The following EXT1 variants were observed in gnomAD, a reference collection of about 807,000 sequenced individuals.
EXT1 encodes exostosin glycosyltransferase 1.
Under a neutral mutation model 82.5 loss-of-function variants are expected in EXT1, and 20 were observed. The ratio of observed to expected loss-of-function variants is 0.24; its 90% CI spans 0.17 to 0.35. EXT1 has a LOEUF of 0.35. EXT1 is among the 10% of genes least tolerant of loss of function. The probability of loss-of-function intolerance (pLI) is 1.00; values close to 1 mark genes in which losing one functional copy is unlikely to be tolerated. For missense variants in EXT1, 757 were observed against 936.5 expected, an observed-to-expected ratio of 0.81 and a Z score of 2.50; for synonymous variants, 348 against 350.8, an observed-to-expected ratio of 0.99 and a Z score of 0.09.
intron 1 of EXT1, among the ~76,000 whole-genome samples, chr8:117,989,008 AT>A (rs145727172): frequency 0.02 from 2,881 of 146,482 alleles, 112 homozygotes; most frequent in African/African-American, 0.07. Flanking sequence ...AGGAGGATCA[AT>A]GGGGCCAGGA....
intron 1 of EXT1, among the ~76,000 whole-genome samples, chr8:117,909,024 C>T (rs11776458): frequency 0.25 from 38,471 of 151,272 alleles, 5,621 homozygotes; most frequent in East Asian, 0.36. Context: ...CCCAGCTACT[C>T]GGAAGGCTGA....
At chr8:117,819,435 CTA>C (rs1811883889) in intron 6 of EXT1, among the ~76,000 whole-genome samples, 1 of 152,204 alleles carries the variant, frequency 6.6e-6, no homozygotes, top group Non-Finnish European at 1.5e-5. Flanking sequence ...CTTTTTAACT[CTA>C]TACCAGTGCT....
At chr8:118,012,418 C>T (rs1815919734) in intron 1 of EXT1, among the ~76,000 whole-genome samples, 1 of 152,216 alleles carries the variant, frequency 6.6e-6, no homozygotes, top group African/African-American at 2.4e-5. Context: ...GTGAAGCTTC[C>T]TAAGGCTAGA....
At chr8:117,874,129 C>T in intron 1 of EXT1, among the ~76,000 whole-genome samples, 1 of 151,970 alleles carries the variant, frequency 6.6e-6, no homozygotes, top group Non-Finnish European at 1.5e-5. Flanking sequence ...ATGAGAAATT[C>T]CTAATTTTAA....
chr8:117,963,097 G>A (rs1249273515), intron 1 of EXT1, among the ~76,000 whole-genome samples: 1 of 152,172 alleles, frequency 6.6e-6, no homozygotes, highest in Non-Finnish European at 1.5e-5. Context: ...CAATAGTCTT[G>A]TTCCTTCCCT....
chr8:118,049,274 C>T (rs1816679822), intron 1 of EXT1, among the ~76,000 whole-genome samples: 1 of 152,212 alleles, frequency 6.6e-6, no homozygotes, highest in African/African-American at 2.4e-5. Flanking sequence ...ATAATAAGCA[C>T]ATAGCATCAG....
intron 1 of EXT1, among the ~76,000 whole-genome samples, chr8:118,043,241 C>A (rs1816563744): frequency 6.7e-6 from 1 of 148,312 alleles, no homozygotes; most frequent in African/African-American, 2.6e-5. Context: ...CCATTACAGT[C>A]CACGTGGGCC....
intron 1 of EXT1, among the ~76,000 whole-genome samples, chr8:117,867,588 C>G (rs1812796859): frequency 6.6e-6 from 1 of 152,200 alleles, no homozygotes; most frequent in Non-Finnish European, 1.5e-5. Flanking sequence ...TCACCAACAA[C>G]CTGGCTGGAT....
At position 117,822,458 on chromosome 8, in the gene EXT1, C is replaced by T. The variant is rs764429775; in HGVS notation, c.1417+7G>A. On this transcript the variant is annotated splice_region_variant and intron_variant, in intron 5 of 10. Coordinates refer to ENST00000378204, the MANE Select transcript of EXT1 (RefSeq NM_000127.3). ...CAAGGGCAACTCCCTGGAGGAAATTCACTTACCTAAATTAGCATAGTAGTA... is the reference window on the plus strand; with the variant it reads ...CAAGGGCAACTCCCTGGAGGAAATTTACTTACCTAAATTAGCATAGTAGTA... The T allele has an allele frequency of 6.2e-7, 1 of 1,612,716 alleles. No individual in the cohort carries two copies.
At chr8:117,867,205 G>A (rs1812788053) in intron 1 of EXT1, among the ~76,000 whole-genome samples, 1 of 140,416 alleles carries the variant, frequency 7.1e-6, no homozygotes, top group Non-Finnish European at 1.5e-5. Context: ...GGTGCAGTGG[G>A]CCGAGATTGC....
intron 1 of EXT1, among the ~76,000 whole-genome samples, chr8:117,887,998 T>C (rs1813177853): frequency 6.6e-6 from 1 of 151,840 alleles, no homozygotes; most frequent in Non-Finnish European, 1.5e-5. Context: ...GGCAGGATAA[T>C]TGCTTGAACC....
chr8:117,826,963 G>T lies in EXT1; in HGVS notation c.1284+3267C>A, dbSNP rs574469999. Among the ~76,000 whole-genome samples, 3 of 152,228 alleles carry T rather than the reference G, an allele frequency of 2.0e-5. No individual in the cohort carries two copies. The South Asian group carries it at 6.2e-4, about 32-fold the overall frequency. ...AAAATTGAGAACTGCTAACTTAATAGGTGAGAGACCATATTCATGCAATAA... is the reference window on the plus strand; with the variant it reads ...AAAATTGAGAACTGCTAACTTAATATGTGAGAGACCATATTCATGCAATAA... On this transcript the variant is annotated intron_variant, in intron 4 of 10. Coordinates refer to ENST00000378204, the MANE Select transcript of EXT1 (RefSeq NM_000127.3).
chr8:117,891,412 A>G (rs1477506807), intron 1 of EXT1, among the ~76,000 whole-genome samples: 1 of 152,204 alleles, frequency 6.6e-6, no homozygotes, highest in African/African-American at 2.4e-5. Context: ...AATTGCTGTA[A>G]TCTGCCATAC....
chr8:117,869,570 C>G (rs562100359), intron 1 of EXT1, among the ~76,000 whole-genome samples: 1 of 152,296 alleles, frequency 6.6e-6, no homozygotes, highest in East Asian at 1.9e-4. Flanking sequence ...TCTGGCAATA[C>G]TGGCTTTTAT....
chr8:117,855,930 A>G (rs911665638), intron 1 of EXT1, among the ~76,000 whole-genome samples: 5 of 152,168 alleles, frequency 3.3e-5, no homozygotes, highest in African/African-American at 9.7e-5. Flanking sequence ...TCGGCCTCCC[A>G]AAGTGCTGGG....
At chr8:117,801,026 C>G (rs373309698) in intron 10 of EXT1, among the ~76,000 whole-genome samples, 11 of 152,218 alleles carry the variant, frequency 7.2e-5, no homozygotes, top group African/African-American at 2.2e-4. Flanking sequence ...CACGTGTGTT[C>G]TGTGTATTTG....
chr8:118,002,041 TA>T (rs1268340626), intron 1 of EXT1, among the ~76,000 whole-genome samples: 1 of 152,194 alleles, frequency 6.6e-6, no homozygotes, highest in Non-Finnish European at 1.5e-5. Context: ...AAGACTTTTT[TA>T]GACAAAGTAA....
intron 1 of EXT1, among the ~76,000 whole-genome samples, chr8:117,879,202 T>C (rs1220132022): frequency 6.6e-6 from 1 of 152,214 alleles, no homozygotes; most frequent in Admixed American, 6.5e-5. Context: ...CCAAAAAAGA[T>C]GTGGAAAATA....
chr8:118,045,801 T>C (rs1217363193), intron 1 of EXT1, among the ~76,000 whole-genome samples: 1 of 151,764 alleles, frequency 6.6e-6, no homozygotes, highest in Non-Finnish European at 1.5e-5. Flanking sequence ...CTTTTTTTTT[T>C]CTTTTCTTTT....
Sources: gnomAD v4.1 joint callset for allele counts (sites outside exome capture counted in the v4.1 genomes callset) on GRCh38, gnomAD v4.1.1 for gene constraint, MANE v1.5 for transcripts, NCBI Gene and HGNC (gene_info 2026-07-23, HGNC 2026-07-21) for gene names.